The following ZNF438 variants were observed in gnomAD, a reference collection of about 807,000 sequenced individuals.
The protein encoded by ZNF438 is zinc finger protein 438.
In ZNF438, 25 loss-of-function variants were observed where a neutral mutation model predicts 38.0. The ratio of observed to expected loss-of-function variants is 0.66; its 90% CI spans 0.48 to 0.92. The LOEUF is 0.92. Ranked by LOEUF, ZNF438 falls within the 40% of genes least tolerant of loss-of-function variation. The probability of loss-of-function intolerance (pLI) is 0.00; values close to 1 mark genes in which losing one functional copy is unlikely to be tolerated. For synonymous variants in ZNF438, 372 were observed against 364.1 expected, an observed-to-expected ratio of 1.02 and a Z score of -0.25; for missense variants, 1,007 against 999.6, an observed-to-expected ratio of 1.01 and a Z score of -0.10.
At chr10:30,988,834 A>G (rs1386879592) in intron 1 of ZNF438, among the ~76,000 whole-genome samples, 1 of 152,182 alleles carries the variant, frequency 6.6e-6, no homozygotes, top group Admixed American at 6.5e-5. Flanking sequence ...TAGATGTGAC[A>G]GTTAATTTTA....
chr10:30,849,102 T>C, exon 5 of ZNF438: 1 of 1,613,976 alleles, frequency 6.2e-7, no homozygotes, highest in Admixed American at 1.7e-5. Flanking sequence ...GGCATAATGC[T>C]ACGGTATTTT....
chr10:30,930,163 G>T (rs2045472159), intron 2 of ZNF438, among the ~76,000 whole-genome samples: 1 of 151,752 alleles, frequency 6.6e-6, no homozygotes, highest in Admixed American at 6.6e-5. Flanking sequence ...GGGGGCGGGG[G>T]TGGGGGGGGA....
At chr10:30,927,461 C>T (rs1404516438) in intron 2 of ZNF438, among the ~76,000 whole-genome samples, 1 of 152,202 alleles carries the variant, frequency 6.6e-6, no homozygotes, top group Non-Finnish European at 1.5e-5. Context: ...CAAAGAAGTT[C>T]CTCCCAGACA....
chr10:30,933,879 G>GCTCGCGCTTGAGGACAGGCGCGGTGT (rs1218591620), intron 2 of ZNF438, among the ~76,000 whole-genome samples: 1 of 152,128 alleles, frequency 6.6e-6, no homozygotes, highest in Non-Finnish European at 1.5e-5. Flanking sequence ...AGGCGCGGTG[G>GCTCGCGCTTGAGGACAGGCGCGGTGT]CTCACGCCTG....
At chr10:30,855,667 T>C (rs920621451) in intron 4 of ZNF438, among the ~76,000 whole-genome samples, 12 of 152,030 alleles carry the variant, frequency 7.9e-5, no homozygotes, top group African/African-American at 2.9e-4. Context: ...ACCAACAGGG[T>C]GCTAATAAGA....
intron 1 of ZNF438, among the ~76,000 whole-genome samples, chr10:31,013,145 C>T (rs1358252868): frequency 6.6e-6 from 1 of 152,090 alleles, no homozygotes; most frequent in East Asian, 1.9e-4. Flanking sequence ...CGGCGAAACC[C>T]CGTGTCTACT....
chr10:30,935,669 A>T (rs960946212), intron 2 of ZNF438, among the ~76,000 whole-genome samples: 5 of 152,240 alleles, frequency 3.3e-5, no homozygotes, highest in African/African-American at 1.2e-4. Flanking sequence ...TGGTTAATTT[A>T]TAAAGAAAAA....
intron 2 of ZNF438, among the ~76,000 whole-genome samples, chr10:30,910,197 G>A (rs937454320): frequency 6.6e-6 from 1 of 152,118 alleles, no homozygotes; most frequent in African/African-American, 2.4e-5. Flanking sequence ...AGATTCACCT[G>A]AGACTATAGG....
At chr10:30,846,235 AGAG>A (rs949650741) in intron 5 of ZNF438, among the ~76,000 whole-genome samples, 4 of 152,182 alleles carry the variant, frequency 2.6e-5, no homozygotes, top group East Asian at 3.9e-4. Context: ...CATTTGGGGA[AGAG>A]GAGAAGATTT....
chr10:30,961,308 G>T (rs1465646527), intron 1 of ZNF438, among the ~76,000 whole-genome samples: 1 of 143,236 alleles, frequency 7.0e-6, no homozygotes, highest in Non-Finnish European at 1.6e-5. Context: ...TATTAGAAAT[G>T]AGGTCTCGCT....
chr10:30,934,899 T>C (rs925587046), intron 2 of ZNF438, among the ~76,000 whole-genome samples: 1 of 152,240 alleles, frequency 6.6e-6, no homozygotes, highest in Non-Finnish European at 1.5e-5. Context: ...GTGAGACAGC[T>C]TGGAATACCA....
chr10:30,944,764 G>A (rs1462940487), intron 1 of ZNF438, among the ~76,000 whole-genome samples: 1 of 152,208 alleles, frequency 6.6e-6, no homozygotes, highest in African/African-American at 2.4e-5. Context: ...AAGAACGTTA[G>A]TGCAGTTAGT....
chr10:30,935,968 A>T lies in ZNF438; in HGVS notation c.-115+5607T>A, dbSNP rs554443633. Among the ~76,000 whole-genome samples the T allele has an allele frequency of 8.5e-5, 13 of 152,302 alleles. No individual in the cohort carries two copies. In the South Asian group the frequency reaches 2.5e-3, roughly 29 times the overall value. On this transcript the variant is annotated intron_variant, in intron 2 of 5. Transcript: ENST00000413025. The stretch of plus-strand genomic sequence containing the variant: ...CAAGATGAGATTTGGGTGGGGACAC[A>T]GCCAAACCATATCAGAGGGGACAAA...
chr10:30,908,460 C>T (rs1198052298), intron 3 of ZNF438, among the ~76,000 whole-genome samples: 1 of 152,126 alleles, frequency 6.6e-6, no homozygotes, highest in Non-Finnish European at 1.5e-5. Flanking sequence ...TTTTTAAGGG[C>T]TCACCATGCC....
chr10:30,886,470 T>A (rs1365652674), intron 3 of ZNF438, among the ~76,000 whole-genome samples: 1 of 152,176 alleles, frequency 6.6e-6, no homozygotes, highest in Non-Finnish European at 1.5e-5. Context: ...GATAAACCCA[T>A]CCTAAGTCTT....
intron 2 of ZNF438, among the ~76,000 whole-genome samples, chr10:30,939,468 G>A (rs2046591792): frequency 6.6e-6 from 1 of 152,174 alleles, no homozygotes; most frequent in Admixed American, 6.5e-5. Context: ...CATCCAAAAG[G>A]AGGAATTAGT....
chr10:31,032,205 G>C (rs2642187), upstream of ZNF438, among the ~76,000 whole-genome samples: 85,212 of 152,114 alleles, frequency 0.56, 24,054 homozygotes, highest in African/African-American at 0.6. Flanking sequence ...GTCGCCCTGG[G>C]GGCTGGAGTA....
chr10:30,939,428 T>C (rs2135474429), intron 2 of ZNF438, among the ~76,000 whole-genome samples: 1 of 152,334 alleles, frequency 6.6e-6, no homozygotes, highest in Non-Finnish European at 1.5e-5. Context: ...TTTCCATGTT[T>C]ATATATTCAA....
chr10:30,998,492 G>A (rs1035299689), intron 1 of ZNF438, among the ~76,000 whole-genome samples: 9 of 137,568 alleles, frequency 6.5e-5, no homozygotes, highest in African/African-American at 2.5e-4. Context: ...GCAGTGAGCC[G>A]AGATCACGCC....
Sources: gnomAD v4.1 joint callset for allele counts (sites outside exome capture counted in the v4.1 genomes callset) on GRCh38, gnomAD v4.1.1 for gene constraint, MANE v1.5 for transcripts, NCBI Gene and HGNC (gene_info 2026-07-23, HGNC 2026-07-21) for gene names.